Variants in KCNJ12 observed in about 807,000 individuals in gnomAD.
KCNJ12 encodes potassium inwardly rectifying channel subfamily J member 12, also known as ATP-sensitive inward rectifier potassium channel 12.
A neutral mutation model predicts 22.3 loss-of-function variants in KCNJ12; 2 were observed. That is an observed-to-expected ratio of 0.09 (90% confidence interval 0.04 to 0.28). The LOEUF (loss-of-function observed/expected upper bound fraction) is 0.28, where lower values mean the gene tolerates loss of function less well. Among genes scored for constraint, KCNJ12 ranks in the 10% least tolerant of loss-of-function variants. The probability of loss-of-function intolerance (pLI) is 1.00; values close to 1 mark genes in which losing one functional copy is unlikely to be tolerated. For missense variants in KCNJ12, 155 were observed against 633.3 expected, an observed-to-expected ratio of 0.24 and a Z score of 8.11; for synonymous variants, 117 against 261.4, an observed-to-expected ratio of 0.45 and a Z score of 5.33.
chr17:21,398,511 C>T (rs974531851), intron 1 of KCNJ12, among the ~76,000 whole-genome samples: 1 of 152,224 alleles, frequency 6.6e-6, no homozygotes, highest in Non-Finnish European at 1.5e-5. Flanking sequence ...GGCTTCCTTG[C>T]TGGGGATAAC....
chr17:21,379,119 A>G (rs1271020876), intron 1 of KCNJ12, among the ~76,000 whole-genome samples: 3 of 152,180 alleles, frequency 2.0e-5, no homozygotes, highest in African/African-American at 7.2e-5. Flanking sequence ...TGCAACAGCA[A>G]AATAATAATG....
chr17:21,415,369 C>T lies in KCNJ12; in HGVS notation c.27C>T (p.Pro9=), dbSNP rs1345361166. ...TGACCGCGGCCAGCCGGGCCAACCC[C>T]TACAGCATCGTGTCATCGGAGGAGG... MTAASRAN[P]YSIVSSEEDG... is the part of the protein sequence containing the mutation. Residue 9 remains proline, a synonymous_variant, in exon 3 of 3, where the codon CCC becomes CCT. Transcript: ENST00000583088. 46 of 1,611,302 alleles carry T rather than the reference C, an allele frequency of 2.9e-5. No homozygotes were observed. Among genetic ancestry groups the T allele is most frequent in the Non-Finnish European group, 3.6e-5 (43 of 1,179,998 alleles).
At chr17:21,386,457 G>C (rs1555558642) in intron 1 of KCNJ12, among the ~76,000 whole-genome samples, 1 of 152,158 alleles carries the variant, frequency 6.6e-6, no homozygotes, top group Non-Finnish European at 1.5e-5. Context: ...TGGGACTACA[G>C]ATGTGCACCA....
At chr17:21,391,047 G>T (rs1354659308) in intron 1 of KCNJ12, among the ~76,000 whole-genome samples, 2 of 152,174 alleles carry the variant, frequency 1.3e-5, no homozygotes, top group Non-Finnish European at 2.9e-5. Context: ...TCGTGTGTGC[G>T]TGGGGCCCTG....
At chr17:21,382,101 T>C (rs1904888039) in intron 1 of KCNJ12, among the ~76,000 whole-genome samples, 1 of 152,252 alleles carries the variant, frequency 6.6e-6, no homozygotes, top group Admixed American at 6.5e-5. Flanking sequence ...TCTGTCTGGC[T>C]GAGTGGGAGG....
At position 21,404,171 on chromosome 17, in the gene KCNJ12, C is replaced by G. The variant is rs1234643361; in HGVS notation, c.-178-4348C>G. Among the ~76,000 whole-genome samples the G allele has an allele frequency of 2.3e-4, 35 of 152,250 alleles. No homozygotes were observed. The South Asian group carries it at 6.2e-3, about 27-fold the overall frequency. On this transcript the variant is annotated intron_variant, in intron 1 of 2. Transcript: ENST00000583088. ...GGCTTCTGTGGAGTAGCTGGGCCAG[C>G]CCCCTGGTTTGCACACAGTCAGGGT... is the stretch of plus-strand genomic sequence containing the variant.
chr17:21,384,544 C>A (rs1231549949), intron 1 of KCNJ12, among the ~76,000 whole-genome samples: 1 of 152,140 alleles, frequency 6.6e-6, no homozygotes, highest in African/African-American at 2.4e-5. Flanking sequence ...GCTTTGGGAC[C>A]TCTGGGTGAA....
At chr17:21,382,073 C>A (rs868923968) in intron 1 of KCNJ12, among the ~76,000 whole-genome samples, 1 of 152,232 alleles carries the variant, frequency 6.6e-6, no homozygotes, top group Admixed American at 6.5e-5. Context: ...TTTCTCTGAG[C>A]CTTTGGCCTG....
chr17:21,403,066 T>C (rs1345619902), intron 1 of KCNJ12, among the ~76,000 whole-genome samples: 2 of 152,304 alleles, frequency 1.3e-5, no homozygotes, highest in African/African-American at 4.8e-5. Flanking sequence ...ATGCTAGGAG[T>C]ACTCACGGAG....
intron 1 of KCNJ12, among the ~76,000 whole-genome samples, chr17:21,389,989 C>T (rs2055772934): frequency 6.6e-6 from 1 of 152,152 alleles, no homozygotes. Flanking sequence ...GTCCCAGACC[C>T]TCCTCCTCCT....
At chr17:21,411,529 C>T (rs1208670180) in intron 2 of KCNJ12, among the ~76,000 whole-genome samples, 2 of 152,312 alleles carry the variant, frequency 1.3e-5, no homozygotes, top group Admixed American at 1.3e-4. Context: ...ACCCTGGGAC[C>T]CTGGCAGGCC....
In KCNJ12 at chr17:21,383,135, G is replaced by C. The variant is rs187010574; in HGVS notation, c.-179+6222G>C. On this transcript the variant is annotated intron_variant, in intron 1 of 2. Coordinates refer to ENST00000583088, the MANE Select transcript of KCNJ12 (RefSeq NM_021012.5). ...TGTATGATAGAGAGGATGAAAGGCCGGGGGCAGGAGAGGTCAAGGGGGATG... is the reference window on the plus strand; with the variant it reads ...TGTATGATAGAGAGGATGAAAGGCCCGGGGCAGGAGAGGTCAAGGGGGATG... Among the ~76,000 whole-genome samples, 358 of 152,332 alleles carry C rather than the reference G, an allele frequency of 2.4e-3. 1 individual carries two copies. The highest frequency in any genetic ancestry group is 8.2e-3 in the African/African-American group (342 of 41,566).
chr17:21,393,715 G>A (rs532702189), intron 1 of KCNJ12, among the ~76,000 whole-genome samples: 1 of 152,184 alleles, frequency 6.6e-6, no homozygotes, highest in Admixed American at 6.5e-5. Flanking sequence ...CTCATGGCCC[G>A]CTTTACAGAT....
chr17:21,393,398 C>T (rs1000944798), intron 1 of KCNJ12, among the ~76,000 whole-genome samples: 1 of 152,082 alleles, frequency 6.6e-6, no homozygotes, highest in Non-Finnish European at 1.5e-5. Context: ...GGCTGACCTG[C>T]ACACCCTGCC....
chr17:21,382,844 T>C (rs904504859), intron 1 of KCNJ12, among the ~76,000 whole-genome samples: 1 of 152,104 alleles, frequency 6.6e-6, no homozygotes, highest in Admixed American at 6.5e-5. Flanking sequence ...CCAGGTAACA[T>C]GAGGACTGGC....
chr17:21,414,558 A>G (rs1205983119), intron 2 of KCNJ12, among the ~76,000 whole-genome samples: 1 of 152,276 alleles, frequency 6.6e-6, no homozygotes, highest in African/African-American at 2.4e-5. Context: ...TTGATGGTTG[A>G]GTGCCCCTGG....
chr17:21,403,923 T>G (rs1166465352), intron 1 of KCNJ12, among the ~76,000 whole-genome samples: 2,747 of 152,268 alleles, frequency 0.018, no homozygotes, highest in African/African-American at 0.063. Flanking sequence ...CCCAGAACTC[T>G]TATAGTTTCA....
intron 1 of KCNJ12, among the ~76,000 whole-genome samples, chr17:21,390,988 G>A (rs1218042988): frequency 6.6e-6 from 1 of 152,072 alleles, no homozygotes; most frequent in African/African-American, 2.4e-5. Context: ...CCATCCCCTG[G>A]CAGCCACTAA....
At chr17:21,394,516 C>T (rs1905288333) in intron 1 of KCNJ12, among the ~76,000 whole-genome samples, 1 of 152,206 alleles carries the variant, frequency 6.6e-6, no homozygotes, top group Non-Finnish European at 1.5e-5. Context: ...TACTCAGGGG[C>T]TAAGTCTGAC....
Sources: gnomAD v4.1 joint callset for allele counts (sites outside exome capture counted in the v4.1 genomes callset) on GRCh38, gnomAD v4.1.1 for gene constraint, MANE v1.5 for transcripts, NCBI Gene and HGNC (gene_info 2026-07-23, HGNC 2026-07-21) for gene names.